Variants in PCDHA9 observed in about 807,000 individuals in gnomAD.
PCDHA9 encodes protocadherin alpha-9.
Under a neutral mutation model 62.0 loss-of-function variants are expected in PCDHA9, and 62 were observed. The ratio of observed to expected loss-of-function variants is 1.00; its 90% CI spans 0.81 to 1.23. PCDHA9 has a LOEUF of 1.23. Among genes scored for constraint, PCDHA9 ranks in the 50% most tolerant of loss-of-function variants. The pLI, the probability that PCDHA9 is intolerant of heterozygous loss-of-function variation, is 0.00. For synonymous variants in PCDHA9, 557 were observed against 567.6 expected (o/e 0.98, Z 0.27); for missense variants, 1,205 against 1,249.8 (o/e 0.96, Z 0.54).
chr5:140,876,642 A>G (rs908095775), intron 1 of PCDHA9: 10 of 1,614,024 alleles, frequency 6.2e-6, no homozygotes, highest in African/African-American at 1.3e-5. Context: ...GCTCACTGAC[A>G]CCTCATGTTC....
At chr5:140,979,537 A>G (rs538323100) in intron 2 of PCDHA9, among the ~76,000 whole-genome samples, 1 of 152,332 alleles carries the variant, frequency 6.6e-6, no homozygotes, top group East Asian at 1.9e-4. Context: ...ATTGTCATCA[A>G]TGACATGGTT....
chr5:140,976,927 G>A (rs1322531610), intron 1 of PCDHA9, among the ~76,000 whole-genome samples: 2 of 152,184 alleles, frequency 1.3e-5, no homozygotes, highest in Admixed American at 1.3e-4. Context: ...CTAGTACTGT[G>A]TAGCTACTTA....
intron 1 of PCDHA9, among the ~76,000 whole-genome samples, chr5:140,897,650 C>T (rs1293190913): frequency 3.3e-5 from 5 of 152,036 alleles, no homozygotes; most frequent in Non-Finnish European, 7.4e-5. Context: ...AATAAACATA[C>T]GTGTGCATGT....
At chr5:140,858,250 G>C in intron 1 of PCDHA9, 1 of 1,596,872 alleles carries the variant, frequency 6.3e-7, no homozygotes, top group Non-Finnish European at 8.6e-7. Flanking sequence ...GGCCGGTGAA[G>C]CCCACGCTGG....
chr5:140,948,902 T>C (rs943078074), intron 1 of PCDHA9, among the ~76,000 whole-genome samples: 1 of 151,528 alleles, frequency 6.6e-6, no homozygotes, highest in Non-Finnish European at 1.5e-5. Flanking sequence ...TTAAGTGGAT[T>C]CTTAGGTAAC....
At chr5:140,901,583 T>A (rs530803677) in intron 1 of PCDHA9, among the ~76,000 whole-genome samples, 6 of 152,222 alleles carry the variant, frequency 3.9e-5, no homozygotes, top group Non-Finnish European at 8.8e-5. Flanking sequence ...GCCAGTGCCA[T>A]GATGTTTTGG....
Position 140,849,766 on chromosome 5 carries a change from T to C in PCDHA9, c.1271T>C (p.Val424Ala). 1.9e-6 allele frequency: 3 copies of C among 1,598,326 alleles called. 1 individual carries two copies. Among genetic ancestry groups the C allele is most frequent in the Middle Eastern group, 1.7e-4 (1 of 5,858 alleles). Residue 424 changes from valine to alanine, a missense_variant, in exon 1 of 4, where the codon GTG becomes GCG. By Grantham distance (64) the Val-to-Ala change is moderately conservative (BLOSUM62 0). Coordinates refer to ENST00000532602, the MANE Select transcript of PCDHA9 (RefSeq NM_031857.2). ...DRESVSAYEL[V>A]VTARDGGSPS... The stretch of plus-strand genomic sequence containing the variant: ...GAGAGTGTGTCCGCCTACGAGCTGG[T>C]GGTTACCGCGCGGGACGGGGGCTCG...
chr5:140,868,182 A>T (rs565452965), intron 1 of PCDHA9: 1 of 152,260 alleles, frequency 6.6e-6, no homozygotes, highest in African/African-American at 2.4e-5. Context: ...ATCTCATATT[A>T]TGCTACTATG....
At chr5:140,919,926 T>C (rs1040693581) in intron 1 of PCDHA9, among the ~76,000 whole-genome samples, 18 of 152,088 alleles carry the variant, frequency 1.2e-4, no homozygotes, top group African/African-American at 4.1e-4. Flanking sequence ...AATTTTCAGG[T>C]GGGGGCTAAT....
chr5:141,009,745 A>G lies in PCDHA9; in HGVS notation c.2661A>G (p.Lys887=). The G allele has an allele frequency of 6.2e-7, 1 of 1,614,104 alleles. No individual in the cohort carries two copies. The highest frequency in any genetic ancestry group is 8.5e-7 in the Non-Finnish European group (1 of 1,180,006). The part of the protein sequence containing the change: ...KQSGPGELPD[K]FIIPGSPAII... ...CCGGTCCCGGTGAGTTGCCCGACAA[A>G]TTCATTATCCCAGGATCTCCTGCAA... Residue 887 remains lysine, a synonymous_variant, in exon 4 of 4, where the codon AAA becomes AAG. Coordinates refer to ENST00000532602, the MANE Select transcript of PCDHA9 (RefSeq NM_031857.2).
intron 1 of PCDHA9, among the ~76,000 whole-genome samples, chr5:140,959,741 C>T (rs1415934970): frequency 6.6e-6 from 1 of 152,068 alleles, no homozygotes; most frequent in Admixed American, 6.6e-5. Flanking sequence ...CATCAAAATG[C>T]CTTAAAGTAT....
rs574473083 is a variant in PCDHA9, at chr5:140,908,105, C to T, written c.2394+57216C>T. ...CAGGTGCACTGATTGAAGTTCTGTC[C>T]ACTGGGAAGATTTCCCTTCACTGCT... is the stretch of plus-strand genomic sequence containing the variant. On this transcript the variant is annotated intron_variant, in intron 1 of 3. Coordinates refer to ENST00000532602, the MANE Select transcript of PCDHA9 (RefSeq NM_031857.2). Among the ~76,000 whole-genome samples the T allele has an allele frequency of 5.3e-5, 8 of 152,304 alleles. No individual in the cohort carries two copies. In the East Asian group the frequency reaches 1.4e-3, roughly 26 times the overall value.
chr5:140,914,777 C>T (rs1476693090), intron 1 of PCDHA9, among the ~76,000 whole-genome samples: 1 of 151,924 alleles, frequency 6.6e-6, no homozygotes, highest in Non-Finnish European at 1.5e-5. Flanking sequence ...TATGACTTAT[C>T]TTATGACCCA....
chr5:140,957,778 A>G (rs1554223119), intron 1 of PCDHA9, among the ~76,000 whole-genome samples: 4 of 152,122 alleles, frequency 2.6e-5, no homozygotes, highest in African/African-American at 9.7e-5. Context: ...AGTAAAAACT[A>G]AGTTCATCAT....
At chr5:140,898,306 G>A (rs192633483) in intron 1 of PCDHA9, among the ~76,000 whole-genome samples, 25 of 152,228 alleles carry the variant, frequency 1.6e-4, no homozygotes, top group Non-Finnish European at 3.1e-4. Flanking sequence ...TTTCTTCTAG[G>A]GTTTTTATGG....
chr5:140,975,601 GA>G (rs781785883), intron 1 of PCDHA9, among the ~76,000 whole-genome samples: 1 of 152,192 alleles, frequency 6.6e-6, no homozygotes, highest in Non-Finnish European at 1.5e-5. Flanking sequence ...GCAATTTGTT[GA>G]TGTCTTCCAC....
chr5:140,869,137 C>G, intron 1 of PCDHA9: 3 of 1,613,116 alleles, frequency 1.9e-6, no homozygotes, highest in African/African-American at 1.3e-5. Context: ...ATTGGGCACC[C>G]CACGACTACA....
rs1362509837 is a variant in PCDHA9, at chr5:140,884,388, T to A, written c.2394+33499T>A. On this transcript the variant is annotated intron_variant, in intron 1 of 3. Transcript: ENST00000532602. ...TACTTGATCATTGCCATCTGCGCGG[T>A]GTCCAGCCTGTTGGTGCTCACGTTG... 3 of 1,613,960 alleles carry A rather than the reference T, an allele frequency of 1.9e-6. No individual in the cohort carries two copies. In the Admixed American group the frequency reaches 5.0e-5, roughly 27 times the overall value.
chr5:140,850,162 T>C lies in PCDHA9; in HGVS notation c.1667T>C (p.Leu556Pro). Residue 556 changes from leucine (L) to proline (P), a missense_variant, in exon 1 of 4, where the codon CTG (leucine) becomes CCG (proline). Around this residue, in one of 3 missense-constraint regions of PCDHA9, gnomAD observed 887 missense variants for 809.5 expected, o/e 1.10. Transcript: ENST00000532602. ...GSNVTLQVFV[L>P]DENDNAPALL... Reference sequence around the variant, plus strand: ...AACGTGACGCTGCAGGTGTTCGTGCTGGACGAGAACGACAATGCGCCGGCG... The same window carrying C: ...AACGTGACGCTGCAGGTGTTCGTGCCGGACGAGAACGACAATGCGCCGGCG... 2 of 1,595,026 alleles carry C rather than the reference T, an allele frequency of 1.3e-6. No homozygotes were observed. Among genetic ancestry groups the C allele is most frequent in the Non-Finnish European group, 1.7e-6 (2 of 1,167,802 alleles).
Sources: allele counts gnomAD v4.1 joint callset (sites outside exome capture counted in the v4.1 genomes callset), GRCh38; gene constraint gnomAD v4.1.1; regional missense constraint gnomAD v4.1.1; transcripts MANE v1.5; gene names NCBI Gene and HGNC (gene_info 2026-07-23, HGNC 2026-07-21).